The following ANKRD18A variants were observed in gnomAD, a reference collection of about 807,000 sequenced individuals.
ANKRD18A encodes ankyrin repeat domain 18A.
A neutral mutation model predicts 110.6 loss-of-function variants in ANKRD18A; 72 were observed. The observed-to-expected ratio is 0.65, with a 90% CI of 0.54 to 0.79. The LOEUF (loss-of-function observed/expected upper bound fraction) is 0.79, where lower values mean the gene tolerates loss of function less well. Ranked by LOEUF, ANKRD18A falls within the 30% of genes least tolerant of loss-of-function variation. ANKRD18A has a pLI of 0.00. For synonymous variants in ANKRD18A, 305 were observed against 410.3 expected, an observed-to-expected ratio of 0.74 and a Z score of 3.10; for missense variants, 934 against 1,163.3, an observed-to-expected ratio of 0.80 and a Z score of 2.87.
rs765761455 is a variant in ANKRD18A, at chr9:38,586,204, C to G, written c.2226G>C (p.Leu742=). 6.2e-7 allele frequency: 1 copy of G among 1,608,434 alleles called. No individual in the cohort carries two copies. The highest frequency in any genetic ancestry group is 8.5e-7 in the Non-Finnish European group (1 of 1,178,116). The change falls in exon 12 of 16, where the codon CTG becomes CTC. Residue 742 remains leucine, a synonymous_variant. Transcript: ENST00000399703. The stretch of plus-strand genomic sequence containing the variant: ...TTACCTTCTGTTTTAGCTTCTTAAA[C>G]AGAATATCCATTTTCAGTTGGTCTG... The part of the protein sequence containing the change: ...LNTDQLKMDI[L]FKKLKQKFND...
intron 5 of ANKRD18A, among the ~76,000 whole-genome samples, chr9:38,608,444 G>T (rs950113999): frequency 4.6e-5 from 7 of 151,120 alleles, no homozygotes; most frequent in Admixed American, 1.3e-4. Flanking sequence ...GTAACATCCC[G>T]TGTGCTACTC....
chr9:38,597,708 G>A (rs1472926876), intron 8 of ANKRD18A, among the ~76,000 whole-genome samples: 5 of 152,190 alleles, frequency 3.3e-5, no homozygotes, highest in African/African-American at 1.2e-4. Context: ...AGAGGGTGGT[G>A]GGAGGCCTCA....
chr9:38,580,277 A>G (rs1479841544), intron 12 of ANKRD18A, among the ~76,000 whole-genome samples: 2 of 152,226 alleles, frequency 1.3e-5, no homozygotes, highest in African/African-American at 2.4e-5. Context: ...GTGCACGCCC[A>G]TAATCCTAGC....
chr9:38,566,625 T>C (rs555828850), downstream of ANKRD18A: 5 of 152,332 alleles, frequency 3.3e-5, no homozygotes, highest in African/African-American at 1.2e-4. Context: ...CCAGTCCTCA[T>C]TTGCCATTTT....
intron 12 of ANKRD18A, among the ~76,000 whole-genome samples, chr9:38,582,659 T>G (rs1212995260): frequency 6.6e-6 from 1 of 152,238 alleles, no homozygotes; most frequent in Non-Finnish European, 1.5e-5. Flanking sequence ...AATTACAAAG[T>G]TGGACTCTCA....
intron 3 of ANKRD18A, among the ~76,000 whole-genome samples, chr9:38,614,820 A>C (rs1825785619): frequency 6.6e-6 from 1 of 152,160 alleles, no homozygotes. Context: ...ATTTGAAAGG[A>C]GAGTTTAGAC....
At chr9:38,594,093 C>T (rs1824770104) in intron 9 of ANKRD18A, among the ~76,000 whole-genome samples, 184 bp from the exon 10 acceptor site, 1 of 152,186 alleles carries the variant, frequency 6.6e-6, no homozygotes, top group Non-Finnish European at 1.5e-5. Flanking sequence ...GTGTTATATT[C>T]CTGCCAAATT....
intron 13 of ANKRD18A, 117 bp from the exon 14 acceptor site, chr9:38,577,381 G>A (rs1287221130): frequency 1.9e-5 from 19 of 987,250 alleles, no homozygotes; most frequent in Non-Finnish European, 2.0e-5. Context: ...GTTGAAAAGA[G>A]GCTGAAGCTT....
intron 12 of ANKRD18A, among the ~76,000 whole-genome samples, chr9:38,583,837 A>G (rs1265731012): frequency 6.6e-6 from 1 of 152,244 alleles, no homozygotes; most frequent in Non-Finnish European, 1.5e-5. Flanking sequence ...TGATAGAAGC[A>G]GGAGACAGCA....
intron 7 of ANKRD18A, among the ~76,000 whole-genome samples, chr9:38,602,187 TG>T (rs1293786840): frequency 1.3e-5 from 2 of 150,604 alleles, no homozygotes; most frequent in Non-Finnish European, 2.9e-5. Context: ...GTTGCTAGAC[TG>T]TAGCAATCAT....
At chr9:38,587,602 A>G (rs538527655) in intron 11 of ANKRD18A, among the ~76,000 whole-genome samples, 280 of 152,344 alleles carry the variant, frequency 1.8e-3, no homozygotes, top group Non-Finnish European at 2.3e-3. Context: ...TACAAGCTAT[A>G]TATCAAGATA....
At chr9:38,589,722 T>C (rs1296199203) in intron 10 of ANKRD18A, among the ~76,000 whole-genome samples, 1 of 152,206 alleles carries the variant, frequency 6.6e-6, no homozygotes, top group East Asian at 1.9e-4. Flanking sequence ...TTAGCAGAGA[T>C]GGTGTTTCAC....
chr9:38,578,122 T>G lies in ANKRD18A; in HGVS notation c.2274A>C (p.Glu758Asp). Residue 758 changes from glutamate to aspartate, a missense_variant, in exon 13 of 16, where the codon GAA (glutamate) becomes GAC (aspartate). By Grantham distance (45) the Glu-to-Asp change is conservative. Coordinates refer to ENST00000399703, the MANE Select transcript of ANKRD18A (RefSeq NM_147195.4). The stretch of plus-strand genomic sequence containing the variant: ...AATTGACACATTCTGAAGACACAGC[T>G]TCCTTCTCGGCCACAAGATCATTAA... ...QKFNDLVAEK[E>D]AVSSECVNLA... 2 of 1,547,326 alleles carry G rather than the reference T, an allele frequency of 1.3e-6. No individual in the cohort carries two copies. Among genetic ancestry groups the G allele is most frequent in the Non-Finnish European group, 1.7e-6 (2 of 1,145,986 alleles).
intron 8 of ANKRD18A, 127 bp downstream of exon 8, chr9:38,601,004 G>A (rs940407098): frequency 2.5e-6 from 2 of 815,876 alleles, no homozygotes; most frequent in African/African-American, 1.7e-5. Context: ...AATTCAATAT[G>A]AAATTATGCT....
intron 12 of ANKRD18A, among the ~76,000 whole-genome samples, chr9:38,583,997 G>C (rs1305894496): frequency 6.6e-6 from 1 of 152,210 alleles, no homozygotes; most frequent in Non-Finnish European, 1.5e-5. Context: ...CATGCACTGG[G>C]GGGATGGGGT....
intron 6 of ANKRD18A, among the ~76,000 whole-genome samples, chr9:38,605,804 G>A (rs1825327207): frequency 6.6e-6 from 1 of 152,062 alleles, no homozygotes; most frequent in South Asian, 2.1e-4. Flanking sequence ...AGTAGAGATA[G>A]GGTTTCACCA....
At chr9:38,603,072 G>A (rs1201997387) in intron 7 of ANKRD18A, 87 bp downstream of exon 7, 1 of 1,504,970 alleles carries the variant, frequency 6.6e-7, no homozygotes, top group Non-Finnish European at 8.9e-7. Flanking sequence ...TTTGTGACAA[G>A]GAAACTATAC....
chr9:38,600,739 C>T (rs1317532183), intron 8 of ANKRD18A, among the ~76,000 whole-genome samples: 5 of 152,176 alleles, frequency 3.3e-5, no homozygotes, highest in African/African-American at 1.2e-4. Context: ...GCAGTTTGAA[C>T]CACCGGGAAT....
chr9:38,605,565 G>T (rs1825315028), intron 6 of ANKRD18A, among the ~76,000 whole-genome samples: 1 of 152,134 alleles, frequency 6.6e-6, no homozygotes, highest in South Asian at 2.1e-4. Flanking sequence ...TTGGAGCCTA[G>T]AGTTTGGCTA....
Sources: allele counts gnomAD v4.1 joint callset (sites outside exome capture counted in the v4.1 genomes callset), GRCh38; gene constraint gnomAD v4.1.1; transcripts MANE v1.5; gene names NCBI Gene and HGNC (gene_info 2026-07-23, HGNC 2026-07-21).